Variants in KIRREL3 observed in about 807,000 individuals in gnomAD.
KIRREL3 encodes the protein kirre like nephrin family adhesion molecule 3.
KIRREL3 carries 36 observed loss-of-function variants against 89.7 expected under a neutral mutation model. The observed-to-expected ratio is 0.40, with a 90% CI of 0.31 to 0.53. The LOEUF (loss-of-function observed/expected upper bound fraction) is 0.53. Among genes scored for constraint, KIRREL3 ranks in the 20% least tolerant of loss-of-function variants. KIRREL3 has a pLI of 0.49. For missense variants in KIRREL3, 864 were observed against 1,056.6 expected (o/e 0.82, Z 2.53); for synonymous variants, 445 against 441.4 (o/e 1.01, Z -0.10).
chr11:126,439,784 C>G (rs1408442081), intron 11 of KIRREL3, among the ~76,000 whole-genome samples: 2 of 151,264 alleles, frequency 1.3e-5, no homozygotes, highest in Non-Finnish European at 2.9e-5. Context: ...TGTCACTGCA[C>G]TCCAGCCTGG....
chr11:126,753,210 C>T (rs1043898244), intron 1 of KIRREL3, among the ~76,000 whole-genome samples: 3 of 152,200 alleles, frequency 2.0e-5, no homozygotes, highest in African/African-American at 7.2e-5. Context: ...TTTGCCCGCT[C>T]CTTACACCAG....
rs897648688 is a variant in KIRREL3, at chr11:126,527,229, TG to T, written c.134-543del. On this transcript the variant is annotated intron_variant, in intron 2 of 16. Transcript: ENST00000525144. The surrounding 1 kb of genome is among the most constrained non-coding windows in gnomAD (Gnocchi z 4.2). ...TGAGGGCCAAGTTCAGAGGGGTGGG[TG>T]GTGGTGCAGTATGGCAGGAGGTGTG... 6.6e-6 allele frequency among the ~76,000 whole-genome samples: 1 copy of T among 151,922 alleles called. No homozygotes were observed. Among genetic ancestry groups the T allele is most frequent in the African/African-American group, 2.4e-5 (1 of 41,328 alleles).
rs1950219025 is a variant in KIRREL3, at chr11:126,997,826, G to C, written c.55+2629C>G. Reference sequence around the variant, plus strand: ...GCAGATTCCCACTGTGAGATGTGTTGGACAGCAGATGGCCATGTCATCGGA... The same window carrying C: ...GCAGATTCCCACTGTGAGATGTGTTCGACAGCAGATGGCCATGTCATCGGA... On this transcript the variant is annotated intron_variant, in intron 1 of 16. Coordinates refer to ENST00000525144, the MANE Select transcript of KIRREL3 (RefSeq NM_032531.4). The surrounding 1 kb of genome is among the most constrained non-coding windows in gnomAD (Gnocchi z 4.3). Among the ~76,000 whole-genome samples the C allele has an allele frequency of 6.6e-6, 1 of 152,112 alleles. No homozygotes were observed. The highest frequency in any genetic ancestry group is 1.5e-5 in the Non-Finnish European group (1 of 68,020).
chr11:126,858,573 TCTC>T (rs575713420), intron 1 of KIRREL3, among the ~76,000 whole-genome samples: 36 of 152,258 alleles, frequency 2.4e-4, no homozygotes, highest in African/African-American at 7.9e-4. Flanking sequence ...CAGTGTGAGT[TCTC>T]CTCTGCCATT....
Position 126,508,495 on chromosome 11 carries a change from T to C in KIRREL3, c.433+12820A>G, listed in dbSNP as rs749763042. On this transcript the variant is annotated intron_variant, in intron 4 of 16. Transcript: ENST00000525144. The surrounding 1 kb of genome is among the most constrained non-coding windows in gnomAD (Gnocchi z 4.9). Reference sequence around the variant, plus strand: ...GGAAGGGTTTTTGGAAGCCTTGGGTTTGCTCTTCGAGCCGACTCCCCGATT... The same window carrying C: ...GGAAGGGTTTTTGGAAGCCTTGGGTCTGCTCTTCGAGCCGACTCCCCGATT... Among the ~76,000 whole-genome samples the C allele has an allele frequency of 3.3e-5, 5 of 152,244 alleles. No individual in the cohort carries two copies. The highest frequency in any genetic ancestry group is 5.9e-5 in the Non-Finnish European group (4 of 68,018).
At position 126,521,529 on chromosome 11, in the gene KIRREL3, G is replaced by C. The variant is rs781540902; in HGVS notation, c.284-65C>G. Reference sequence around the variant, plus strand: ...TGGAGGGGACACCCATGACAAAGAGGCACAGAATGGAGGACCCAAGCAGGG... The same window carrying C: ...TGGAGGGGACACCCATGACAAAGAGCCACAGAATGGAGGACCCAAGCAGGG... On this transcript the variant is annotated intron_variant, in intron 3 of 16. Transcript: ENST00000525144. The surrounding 1 kb of genome is among the most constrained non-coding windows in gnomAD (Gnocchi z 4.1). 114 of 1,442,146 alleles carry C rather than the reference G, an allele frequency of 7.9e-5. No homozygotes were observed. The highest frequency in any genetic ancestry group is 1.0e-4 in the Non-Finnish European group (110 of 1,067,926). The allele number at this position is 1,442,146 out of a possible 1,614,324, so 89.3% of individuals were successfully genotyped here.
In KIRREL3 at chr11:126,978,866, C is replaced by T. The variant is rs1405476011; in HGVS notation, c.55+21589G>A. 1.3e-5 allele frequency among the ~76,000 whole-genome samples: 2 copies of T among 152,178 alleles called. No homozygotes were observed. The highest frequency in any genetic ancestry group is 4.8e-5 in the African/African-American group (2 of 41,440). ...GGATGCTTATTCTCTTACCTGGCTTCCCTGTTATGCCCTGTGTCCCTGAAT... is the reference window on the plus strand; with the variant it reads ...GGATGCTTATTCTCTTACCTGGCTTTCCTGTTATGCCCTGTGTCCCTGAAT... On this transcript the variant is annotated intron_variant, in intron 1 of 16. Coordinates refer to ENST00000525144, the MANE Select transcript of KIRREL3 (RefSeq NM_032531.4). This position sits in a 1 kb window ranked among gnomAD's most constrained non-coding sequence, Gnocchi z 4.2.
rs1948853415 is a variant in KIRREL3, at chr11:126,954,138, T to A, written c.55+46317A>T. ...TGGTTTCTTGAGATTTCCAAATGAG[T>A]GAGGTGGGGGGTGGTATTGAGGTAT... On this transcript the variant is annotated intron_variant, in intron 1 of 16. Coordinates refer to ENST00000525144, the MANE Select transcript of KIRREL3 (RefSeq NM_032531.4). This position sits in a 1 kb window ranked among gnomAD's most constrained non-coding sequence, Gnocchi z 4.1. Among the ~76,000 whole-genome samples the A allele has an allele frequency of 6.6e-6, 1 of 151,474 alleles. No individual in the cohort carries two copies. The highest frequency in any genetic ancestry group is 2.4e-5 in the African/African-American group (1 of 41,180).
At chr11:126,910,726 C>G (rs1222055993) in intron 1 of KIRREL3, among the ~76,000 whole-genome samples, 1 of 152,216 alleles carries the variant, frequency 6.6e-6, no homozygotes, top group Non-Finnish European at 1.5e-5. Flanking sequence ...CCCCAACAAA[C>G]TAACCTACAT....
At chr11:126,482,389 G>C (rs1324229035) in intron 4 of KIRREL3, among the ~76,000 whole-genome samples, 2 of 152,206 alleles carry the variant, frequency 1.3e-5, no homozygotes, top group African/African-American at 4.8e-5. Flanking sequence ...GCTTGGGTTT[G>C]AATCCTGGGT....
At position 126,521,250 on chromosome 11, in the gene KIRREL3, C is replaced by T; in HGVS notation, c.433+65G>A. ...TCCCCATGTCTGACCAAAAAAATAC[C>T]CTCTTGGAGCTGAGCCCTTGGTGCT... On this transcript the variant is annotated intron_variant, in intron 4 of 16. Coordinates refer to ENST00000525144, the MANE Select transcript of KIRREL3 (RefSeq NM_032531.4). This position sits in a 1 kb window ranked among gnomAD's most constrained non-coding sequence, Gnocchi z 4.1. 7.0e-7 allele frequency: 1 copy of T among 1,429,156 alleles called. No homozygotes were observed. The highest frequency in any genetic ancestry group is 9.2e-7 in the Non-Finnish European group (1 of 1,083,358). The allele number at this position is 1,429,156 out of a possible 1,614,324, so 88.5% of individuals were successfully genotyped here.
chr11:126,898,484 G>A lies in KIRREL3; in HGVS notation c.55+101971C>T, dbSNP rs1946251809. 6.6e-6 allele frequency among the ~76,000 whole-genome samples: 1 copy of A among 152,188 alleles called. No homozygotes were observed. Among genetic ancestry groups the A allele is most frequent in the South Asian group, 2.1e-4 (1 of 4,830 alleles). On this transcript the variant is annotated intron_variant, in intron 1 of 16. Coordinates refer to ENST00000525144, the MANE Select transcript of KIRREL3 (RefSeq NM_032531.4). The surrounding 1 kb of genome is among the most constrained non-coding windows in gnomAD (Gnocchi z 4.9). ...CCTGGAGATGCAACAAAACAGAATGGATAATGAAATTTTGTGAATGCAGCA... is the reference window on the plus strand; with the variant it reads ...CCTGGAGATGCAACAAAACAGAATGAATAATGAAATTTTGTGAATGCAGCA...
intron 1 of KIRREL3, among the ~76,000 whole-genome samples, chr11:126,767,849 A>G (rs1310825430): frequency 1.3e-5 from 2 of 152,350 alleles, no homozygotes; most frequent in Non-Finnish European, 2.9e-5. Flanking sequence ...GTGGCTGACA[A>G]TTTGATTGGT....
intron 1 of KIRREL3, among the ~76,000 whole-genome samples, chr11:126,986,125 G>A (rs1052412998): frequency 2.0e-5 from 3 of 152,162 alleles, no homozygotes; most frequent in Admixed American, 6.5e-5. Context: ...TGTGGGATGA[G>A]GGGGCCTTTA....
rs1219781277 is a variant in KIRREL3, at chr11:126,867,751, A to C, written c.55+132704T>G. 1.3e-5 allele frequency among the ~76,000 whole-genome samples: 2 copies of C among 152,080 alleles called. No individual in the cohort carries two copies. The highest frequency in any genetic ancestry group is 2.4e-5 in the African/African-American group (1 of 41,414). On this transcript the variant is annotated intron_variant, in intron 1 of 16. Transcript: ENST00000525144. This position sits in a 1 kb window ranked among gnomAD's most constrained non-coding sequence, Gnocchi z 4.7. The stretch of plus-strand genomic sequence containing the variant: ...TAAGTTGGCCAGAATCTGAACCCAG[A>C]CTTTCTGCCTTTTTTATGAGCCTTT...
At chr11:126,738,694 C>T (rs1948884902) in intron 1 of KIRREL3, among the ~76,000 whole-genome samples, 1 of 152,200 alleles carries the variant, frequency 6.6e-6, no homozygotes, top group Non-Finnish European at 1.5e-5. Context: ...TTTCCCTTCC[C>T]AGAAATGTCC....
chr11:126,448,644 C>T (rs937822509), intron 8 of KIRREL3, among the ~76,000 whole-genome samples: 2 of 152,170 alleles, frequency 1.3e-5, no homozygotes, highest in African/African-American at 4.8e-5. Context: ...GCCCCAAGAG[C>T]TTGCTTCTCT....
rs1425200050 is a variant in KIRREL3 at position 126,609,000 on chromosome 11, G to A, written c.56-46088C>T. On this transcript the variant is annotated intron_variant, in intron 1 of 16. Coordinates refer to ENST00000525144, the MANE Select transcript of KIRREL3 (RefSeq NM_032531.4). This position sits in a 1 kb window ranked among gnomAD's most constrained non-coding sequence, Gnocchi z 4.9. Reference sequence around the variant, plus strand: ...AAACAATCAGGCCAGAGGGGTATTTGTTGCAGAAGAGAAATGTGATGCAAT... The same window carrying A: ...AAACAATCAGGCCAGAGGGGTATTTATTGCAGAAGAGAAATGTGATGCAAT... Among the ~76,000 whole-genome samples the A allele has an allele frequency of 1.3e-5, 2 of 152,188 alleles. No homozygotes were observed. The highest frequency in any genetic ancestry group is 3.8e-4 in the East Asian group (2 of 5,200).
At chr11:126,865,687 C>T (rs1944896353) in intron 1 of KIRREL3, among the ~76,000 whole-genome samples, 1 of 152,190 alleles carries the variant, frequency 6.6e-6, no homozygotes, top group East Asian at 1.9e-4. Context: ...GAGGGATCGA[C>T]GAAGTCTCTG....
Sources: gnomAD v4.1 joint callset for allele counts (sites outside exome capture counted in the v4.1 genomes callset) on GRCh38, gnomAD v4.1.1 for gene constraint, Gnocchi (gnomAD v3.1) non-coding constraint, MANE v1.5 for transcripts, NCBI Gene and HGNC (gene_info 2026-07-23, HGNC 2026-07-21) for gene names.